KAT2B: variants seen among roughly 807,000 people sequenced by gnomAD.
KAT2B encodes lysine acetyltransferase 2B.
KAT2B carries 36 observed loss-of-function variants against 105.9 expected under a neutral mutation model. The observed-to-expected ratio is 0.34, with a 90% CI of 0.26 to 0.45. The LOEUF is 0.45. KAT2B is among the 20% of genes least tolerant of loss of function. KAT2B has a pLI of 1.00. For synonymous variants in KAT2B, 397 were observed against 377.9 expected (o/e 1.05, Z -0.59); for missense variants, 820 against 1,021.6 (o/e 0.80, Z 2.69).
At chr3:20,041,004 C>A (rs1052790871) in intron 1 of KAT2B, among the ~76,000 whole-genome samples, 1 of 152,244 alleles carries the variant, frequency 6.6e-6, no homozygotes. Context: ...GACGGAGAGC[C>A]CTTCATTCCT....
At chr3:20,095,050 G>A (rs1698784936) in intron 2 of KAT2B, among the ~76,000 whole-genome samples, 1 of 152,124 alleles carries the variant, frequency 6.6e-6, no homozygotes, top group East Asian at 1.9e-4. Flanking sequence ...GTTGGGTGGG[G>A]AGGCTAAGGC....
At chr3:20,083,297 A>C (rs917797044) in intron 2 of KAT2B, among the ~76,000 whole-genome samples, 4 of 152,194 alleles carry the variant, frequency 2.6e-5, no homozygotes, top group African/African-American at 4.8e-5. Context: ...ATAGAGGCCT[A>C]TCTCTTTAAG....
At chr3:20,074,525 A>T (rs1170670921) in intron 2 of KAT2B, among the ~76,000 whole-genome samples, 1 of 152,230 alleles carries the variant, frequency 6.6e-6, no homozygotes, top group Admixed American at 6.5e-5. Context: ...GCATGTAAAT[A>T]CATGATTATT....
At chr3:20,064,334 C>T (rs1218366132) in intron 1 of KAT2B, among the ~76,000 whole-genome samples, 2 of 152,174 alleles carry the variant, frequency 1.3e-5, no homozygotes, top group Non-Finnish European at 2.9e-5. Flanking sequence ...AATCACTTGT[C>T]ATTTCTTTGT....
At chr3:20,072,212 C>T (rs753575197) in intron 1 of KAT2B, 121 bp from the exon 2 acceptor site, 295 of 1,025,982 alleles carry the variant, frequency 2.9e-4, no homozygotes, top group Non-Finnish European at 3.9e-4. Flanking sequence ...ATATGGCAGA[C>T]GACAAAGTCA....
chr3:20,084,920 G>T (rs1698586763), intron 2 of KAT2B, among the ~76,000 whole-genome samples: 1 of 152,178 alleles, frequency 6.6e-6, no homozygotes, highest in Non-Finnish European at 1.5e-5. Context: ...GTAAATCATG[G>T]CATGTACTTC....
At chr3:20,053,461 G>T (rs1357520238) in intron 1 of KAT2B, among the ~76,000 whole-genome samples, 2 of 152,218 alleles carry the variant, frequency 1.3e-5, no homozygotes, top group Non-Finnish European at 1.5e-5. Context: ...CTTGAGTCCA[G>T]GAGGTCGAGG....
At chr3:20,062,282 A>AATATGATATATATAAT (rs1251436874) in intron 1 of KAT2B, among the ~76,000 whole-genome samples, 9,240 of 49,914 alleles carry the variant, frequency 0.19, 1,694 homozygotes, top group Non-Finnish European at 0.3. Context: ...TAATATATAA[A>AATATGATATATATAAT]ATATAATATA....
intron 2 of KAT2B, among the ~76,000 whole-genome samples, chr3:20,090,590 T>G (rs1698698958): frequency 6.6e-6 from 1 of 152,188 alleles, no homozygotes; most frequent in Non-Finnish European, 1.5e-5. Context: ...GAATTCAGAT[T>G]GCTGGTTTTC....
chr3:20,054,957 G>T (rs1205669818), intron 1 of KAT2B, among the ~76,000 whole-genome samples: 2 of 152,176 alleles, frequency 1.3e-5, no homozygotes, highest in Admixed American at 1.3e-4. Context: ...TCTTGTTGAG[G>T]AGACAGATAT....
At chr3:20,105,307 A>G (rs553929475) in intron 5 of KAT2B, among the ~76,000 whole-genome samples, 3 of 152,388 alleles carry the variant, frequency 2.0e-5, no homozygotes, top group South Asian at 4.1e-4. Context: ...ATAGTACACT[A>G]TTTAATTCCA....
At chr3:20,107,282 C>T (rs751915602) in intron 5 of KAT2B, among the ~76,000 whole-genome samples, 5 of 149,822 alleles carry the variant, frequency 3.3e-5, no homozygotes, top group Admixed American at 6.6e-5. Context: ...CTGCCCTCCT[C>T]GGCCTCCCAA....
chr3:20,071,158 G>A (rs1479851748), intron 1 of KAT2B, among the ~76,000 whole-genome samples: 6 of 152,128 alleles, frequency 3.9e-5, no homozygotes, highest in African/African-American at 1.4e-4. Flanking sequence ...TGTTAATGAT[G>A]TATTTTATAT....
intron 11 of KAT2B, among the ~76,000 whole-genome samples, chr3:20,128,824 G>A (rs1301814561): frequency 1.3e-5 from 2 of 151,894 alleles, no homozygotes; most frequent in African/African-American, 4.8e-5. Flanking sequence ...CCTGACCAAT[G>A]TGGTAAAACC....
chr3:20,131,235 C>T (rs1699506602), intron 11 of KAT2B, among the ~76,000 whole-genome samples: 4 of 151,624 alleles, frequency 2.6e-5, no homozygotes, highest in Non-Finnish European at 5.9e-5. Context: ...AGGCTGGTCT[C>T]AAACTCCTGA....
chr3:20,054,749 G>GCAGAATGCCAAAGATGC (rs1697976870), intron 1 of KAT2B, among the ~76,000 whole-genome samples: 1 of 152,194 alleles, frequency 6.6e-6, no homozygotes, highest in Non-Finnish European at 1.5e-5. Context: ...AAACTAGATG[G>GCAGAATGCCAAAGATGC]CAGAATGCCA....
chr3:20,090,405 A>G (rs1246066792), intron 2 of KAT2B, among the ~76,000 whole-genome samples: 2 of 152,154 alleles, frequency 1.3e-5, no homozygotes, highest in Non-Finnish European at 2.9e-5. Flanking sequence ...GAGAGTTTTT[A>G]TCATGAAAGG....
Position 20,111,611 on chromosome 3 carries a change from C to T in KAT2B, c.867C>T (p.Cys289=), listed in dbSNP as rs1225599129. 3 of 1,609,954 alleles carry T rather than the reference C, an allele frequency of 1.9e-6. No homozygotes were observed. The highest frequency in any genetic ancestry group is 1.3e-5 in the African/African-American group (1 of 74,694). The change falls in exon 6 of 18, where the codon TGC becomes TGT. Residue 289 remains cysteine, a synonymous_variant. Coordinates refer to ENST00000263754, the MANE Select transcript of KAT2B (RefSeq NM_003884.5). ...KENYTRWLCY[C]NVPQFCDSLP... ...CTTGTCACAGGTGGCTGTGTTACTG[C>T]AACGTGCCACAGTTCTGCGACAGTC...
Position 20,062,027 on chromosome 3 carries a change from T to TATATATTATATATAAAAC in KAT2B, c.304-10305_304-10304insTATATTATATATAAAACA, listed in dbSNP as rs1698120646. 2.0e-5 allele frequency among the ~76,000 whole-genome samples: 2 copies of TATATATTATATATAAAAC among 101,694 alleles called. 1 individual carries two copies. The highest frequency in any genetic ancestry group is 3.5e-5 in the Non-Finnish European group (2 of 57,168). The allele number at this position is 101,694 out of a possible 152,430, so 66.7% of individuals were successfully genotyped here. A position where few individuals can be genotyped will look rare whatever the true frequency, so the allele number is the denominator to read the frequency against. On this transcript the variant is annotated intron_variant, in intron 1 of 17. Coordinates refer to ENST00000263754, the MANE Select transcript of KAT2B (RefSeq NM_003884.5). ...TATAATATATATTATATATAAAACA[T>TATATATTATATATAAAAC]AATATATATTATATATAAAACATAT...
Sources: allele counts gnomAD v4.1 joint callset (sites outside exome capture counted in the v4.1 genomes callset), GRCh38; gene constraint gnomAD v4.1.1; transcripts MANE v1.5; gene names NCBI Gene and HGNC (gene_info 2026-07-23, HGNC 2026-07-21).